PCM1: variants seen among roughly 807,000 people sequenced by gnomAD.
PCM1 encodes pericentriolar material 1 protein.
Under a neutral mutation model 241.9 loss-of-function variants are expected in PCM1, and 157 were observed. That is an observed-to-expected ratio of 0.65 (90% CI 0.57 to 0.74). The LOEUF is 0.74. Ranked by LOEUF, PCM1 falls within the 30% of genes least tolerant of loss-of-function variation. PCM1 has a pLI of 0.00. For synonymous variants in PCM1, 1,085 were observed against 784.9 expected (o/e 1.38, Z -6.39); for missense variants, 3,478 against 2,360.1 (o/e 1.47, Z -9.81).
chr8:17,996,295 T>C (rs1379892616), intron 29 of PCM1, among the ~76,000 whole-genome samples: 1 of 152,206 alleles, frequency 6.6e-6, no homozygotes, highest in Non-Finnish European at 1.5e-5. Context: ...AAAATGATCA[T>C]ATGGGTTTTG....
rs1236156721 is a variant in PCM1, at chr8:17,938,791, C to T, written c.394C>T (p.Arg132Cys). 1.9e-6 allele frequency: 3 copies of T among 1,611,678 alleles called. No individual in the cohort carries two copies. The highest frequency in any genetic ancestry group is 2.2e-5 in the East Asian group (1 of 44,874). Residue 132 changes from arginine (R) to cysteine (C), a missense_variant, in exon 5 of 39, where the codon CGT becomes TGT. Arg to Cys is a radical substitution (Grantham distance 180, BLOSUM62 -3). Coordinates refer to ENST00000325083, the MANE Select transcript of PCM1 (RefSeq NM_006197.4). ...TAGAGCAACAGCTGCTAACAACAAA[C>T]GTCAGCTTAGTGAAAACCGAAAGCC... Reference protein sequence around the residue: ...QGRATAANNKRQLSENRKPFN... With the variant: ...QGRATAANNKCQLSENRKPFN...
chr8:17,984,540 C>G (rs1408040457), intron 24 of PCM1, among the ~76,000 whole-genome samples: 1 of 151,792 alleles, frequency 6.6e-6, no homozygotes, highest in African/African-American at 2.4e-5. Context: ...GTTATTATTT[C>G]ATGCTTGTGG....
At chr8:17,980,478 G>T in intron 23 of PCM1, 113 bp from the exon 24 acceptor site, 1 of 732,394 alleles carries the variant, frequency 1.4e-6, no homozygotes, top group Non-Finnish European at 2.2e-6. Context: ...TTTATACCAG[G>T]CCTTCCTAGC....
chr8:17,983,285 G>A (rs779247707), intron 24 of PCM1: 44 of 1,322,924 alleles, frequency 3.3e-5, no homozygotes, highest in African/African-American at 7.4e-5. Context: ...GCAATGAAGC[G>A]CCAGGTAACA....
In PCM1 at chr8:18,025,448, T is replaced by C. The variant is rs374600453; in HGVS notation, c.5929T>C (p.Ser1977Pro). The change falls in exon 37 of 39, where the codon TCA becomes CCA. Residue 1977 changes from serine (S) to proline (P), a missense_variant. Physicochemically the swap from Ser to Pro is moderately conservative, Grantham distance 74. Coordinates refer to ENST00000325083, the MANE Select transcript of PCM1 (RefSeq NM_006197.4). Reference sequence around the variant, plus strand: ...TTTACCACTGAAACTGACAATATATTCAGAGGTATTTAGCTGTCTTTAATT... The same window carrying C: ...TTTACCACTGAAACTGACAATATATCCAGAGGTATTTAGCTGTCTTTAATT... ...EDLPLKLTIY[S>P]EADLRKKMVE... The C allele has an allele frequency of 1.3e-6, 2 of 1,576,060 alleles. No individual in the cohort carries two copies. Among genetic ancestry groups the C allele is most frequent in the African/African-American group, 2.7e-5 (2 of 74,144 alleles).
intron 36 of PCM1, among the ~76,000 whole-genome samples, chr8:18,016,478 A>G (rs1483734279): frequency 6.6e-6 from 1 of 152,242 alleles, no homozygotes; most frequent in Non-Finnish European, 1.5e-5. Context: ...AATCTAGATA[A>G]AATTGTTTAT....
intron 26 of PCM1, among the ~76,000 whole-genome samples, chr8:17,987,361 A>C (rs10088513): frequency 0.47 from 71,421 of 151,482 alleles, 18,917 homozygotes; most frequent in Non-Finnish European, 0.62. Flanking sequence ...TTTTTCAATA[A>C]TTTTATATCC....
chr8:17,965,651 T>C (rs568183904), intron 18 of PCM1, among the ~76,000 whole-genome samples: 8 of 152,360 alleles, frequency 5.3e-5, no homozygotes, highest in African/African-American at 1.9e-4. Context: ...GATGGTGAAG[T>C]AGATACAGTA....
chr8:17,951,922 T>TA (rs1000058874), intron 8 of PCM1, among the ~76,000 whole-genome samples: 5 of 151,960 alleles, frequency 3.3e-5, no homozygotes, highest in Non-Finnish European at 5.9e-5. Context: ...GTTTCATAAT[T>TA]AAAAAAAATT....
chr8:17,943,753 G>A (rs923022474), intron 6 of PCM1, among the ~76,000 whole-genome samples: 2 of 152,022 alleles, frequency 1.3e-5, no homozygotes, highest in Non-Finnish European at 2.9e-5. Flanking sequence ...CACCACCTGT[G>A]TTTATTTTTT....
intron 35 of PCM1, 22 bp from the exon 36 acceptor site, chr8:18,014,562 T>G: frequency 6.3e-7 from 1 of 1,582,324 alleles, no homozygotes. Context: ...ACACTAATGT[T>G]AAGACTTTCT....
rs199739700 is a variant in PCM1 at position 17,947,342 on chromosome 8, A to G, written c.940A>G (p.Ile314Val). ...LALQHKAEQA[I>V]AVMDDSVVAE... is the part of the protein sequence containing the mutation. Reference sequence around the variant, plus strand: ...TCTGCAACATAAAGCAGAGCAAGCTATTGCAGTGATGGATGATTCTGGTAT... The same window carrying G: ...TCTGCAACATAAAGCAGAGCAAGCTGTTGCAGTGATGGATGATTCTGGTAT... Residue 314 changes from isoleucine to valine, a missense_variant, in exon 7 of 39, where the codon ATT becomes GTT. Coordinates refer to ENST00000325083, the MANE Select transcript of PCM1 (RefSeq NM_006197.4). 189 of 1,598,806 alleles carry G rather than the reference A, an allele frequency of 1.2e-4. No homozygotes were observed. The African/African-American group carries it at 1.2e-3, about 10-fold the overall frequency.
In PCM1 at chr8:17,957,269, C is replaced by G; in HGVS notation, c.1652C>G (p.Pro551Arg). 1 of 1,580,936 alleles carries G rather than the reference C, an allele frequency of 6.3e-7. No individual in the cohort carries two copies. Among genetic ancestry groups the G allele is most frequent in the South Asian group, 1.2e-5 (1 of 85,330 alleles). ...NSEPVTNIRN[P>R]QVASTWNEVN... ...GGCTGTTTTCTTTCTTCTAGAAATC[C>G]ACAAGTAGCTTCCACTTGGAATGAA... The change falls in exon 12 of 39, where the codon CCA becomes CGA. Residue 551 changes from proline (P) to arginine (R), a missense_variant. Pro to Arg is a moderately radical substitution (Grantham distance 103, BLOSUM62 -2). Coordinates refer to ENST00000325083, the MANE Select transcript of PCM1 (RefSeq NM_006197.4).
At chr8:17,961,452 A>C (rs1453724197) in intron 15 of PCM1, among the ~76,000 whole-genome samples, 26 of 151,912 alleles carry the variant, frequency 1.7e-4, no homozygotes, top group Admixed American at 1.7e-3. Context: ...CTGGGACTAC[A>C]GGTGCCCGCC....
chr8:18,010,646 G>C lies in PCM1; in HGVS notation c.5198G>C (p.Gly1733Ala). 1.2e-6 allele frequency: 2 copies of C among 1,603,630 alleles called. No individual in the cohort carries two copies. The highest frequency in any genetic ancestry group is 1.7e-6 in the Non-Finnish European group (2 of 1,175,064). Reference protein sequence around the residue: ...RILEDHGSPAGEIDDEDKDKD... With the variant: ...RILEDHGSPAAEIDDEDKDKD... ...CTTGAAGATCATGGCTCACCTGCTG[G>C]AGAGATTGATGATGAAGACAAAGTA... The change falls in exon 32 of 39, where the codon GGA becomes GCA. Residue 1733 changes from glycine (G) to alanine (A), a missense_variant. Transcript: ENST00000325083.
rs761162124 is a variant in PCM1, at chr8:18,009,698, A to G, written c.5114A>G (p.Lys1705Arg). ...NNSITVKQRC[K>R]RKIEATGVIQ... is the part of the protein sequence containing the mutation. ...AGTATAACTGTTAAACAGAGATGCA[A>G]AAGGAAAATAGAAGCAACTGGAGTG... is the stretch of plus-strand genomic sequence containing the variant. Residue 1705 changes from lysine (K) to arginine (R), a missense_variant, in exon 31 of 39, where the codon AAA becomes AGA. Coordinates refer to ENST00000325083, the MANE Select transcript of PCM1 (RefSeq NM_006197.4). 24 of 1,517,202 alleles carry G rather than the reference A, an allele frequency of 1.6e-5. No homozygotes were observed. In the African/African-American group the frequency reaches 2.8e-4, roughly 18 times the overall value. 94.0% of individuals were successfully genotyped at this position (1,517,202 alleles called of 1,614,324 possible). A position where few individuals can be genotyped will look rare whatever the true frequency, so the allele number is the denominator to read the frequency against.
intron 23 of PCM1, among the ~76,000 whole-genome samples, chr8:17,978,530 C>A (rs2079538810): frequency 6.6e-6 from 1 of 151,902 alleles, no homozygotes; most frequent in South Asian, 2.1e-4. Context: ...AGGCAATCTT[C>A]CTTACCACAC....
chr8:17,980,472 T>C (rs2080324252), intron 23 of PCM1, 119 bp from the exon 24 acceptor site: 1 of 710,864 alleles, frequency 1.4e-6, no homozygotes, highest in Non-Finnish European at 2.3e-6. Flanking sequence ...ATTCTATTTA[T>C]ACCAGGCCTT....
chr8:18,009,395 GTAATATAGCAGT>G (rs1350024714), intron 30 of PCM1, among the ~76,000 whole-genome samples, 140 bp from the exon 31 acceptor site: 1 of 152,166 alleles, frequency 6.6e-6, no homozygotes, highest in African/African-American at 2.4e-5. Flanking sequence ...TTCCCACTTA[GTAATATAGCAGT>G]ATTCTTTAGT....
Sources: gnomAD v4.1 joint callset for allele counts (sites outside exome capture counted in the v4.1 genomes callset) on GRCh38, gnomAD v4.1.1 for gene constraint, MANE v1.5 for transcripts, NCBI Gene and HGNC (gene_info 2026-07-23, HGNC 2026-07-21) for gene names.